Variants in FTCDNL1 observed in about 807,000 individuals in gnomAD.
FTCDNL1 encodes the protein formiminotransferase N-terminal subdomain-containing protein.
In FTCDNL1, 11 loss-of-function variants were observed where a neutral mutation model predicts 5.9. The ratio of observed to expected loss-of-function variants is 1.87; its 90% CI spans 1.18 to 3.10. The LOEUF is 3.10. Ranked by LOEUF, FTCDNL1 falls within the 30% of genes most tolerant of loss-of-function variation. The pLI, the probability that FTCDNL1 is intolerant of heterozygous loss-of-function variation, is 0.00. For synonymous variants in FTCDNL1, 58 were observed against 24.8 expected (o/e 2.34, Z -3.99); for missense variants, 115 against 65.5 (o/e 1.76, Z -2.61).
chr2:199,700,491 A>G, the FTCDNL1 span, among the ~76,000 whole-genome samples: 2 of 152,220 alleles, frequency 1.3e-5, no homozygotes, highest in African/African-American at 4.8e-5. Context: ...CAATTTACAG[A>G]TTCAATGCTA....
chr2:199,764,839 GC>G (rs894076731), intron 3 of FTCDNL1, among the ~76,000 whole-genome samples: 1 of 152,144 alleles, frequency 6.6e-6, no homozygotes, highest in Non-Finnish European at 1.5e-5. Flanking sequence ...TGTGTCATGT[GC>G]CCCAGCTCTC....
intron 3 of FTCDNL1, among the ~76,000 whole-genome samples, chr2:199,780,988 C>G (rs959245189): frequency 6.6e-6 from 1 of 152,192 alleles, no homozygotes. Context: ...AGCACACAAT[C>G]TCTGCCACAA....
intron 3 of FTCDNL1, among the ~76,000 whole-genome samples, chr2:199,780,624 G>A (rs1446585040): frequency 6.6e-6 from 1 of 152,100 alleles, no homozygotes. Flanking sequence ...TTGTCCCTAG[G>A]TAGCACTTCC....
intron 3 of FTCDNL1, among the ~76,000 whole-genome samples, chr2:199,837,761 G>A (rs891942445): frequency 2.0e-5 from 3 of 152,006 alleles, no homozygotes; most frequent in Admixed American, 6.5e-5. Context: ...TATCAATCAT[G>A]CCAGCACTAT....
At chr2:199,701,856 G>C in the FTCDNL1 span, among the ~76,000 whole-genome samples, 1 of 152,050 alleles carries the variant, frequency 6.6e-6, no homozygotes, top group Non-Finnish European at 1.5e-5. Context: ...CCAACATGGC[G>C]AAACCCCGTC....
intron 3 of FTCDNL1, among the ~76,000 whole-genome samples, chr2:199,841,758 G>A (rs541657047): frequency 6.6e-6 from 1 of 152,198 alleles, no homozygotes; most frequent in South Asian, 2.1e-4. Context: ...ACCAGCAACA[G>A]CCCATGGAAT....
the FTCDNL1 span, among the ~76,000 whole-genome samples, chr2:199,732,091 G>A: frequency 9.2e-3 from 1,407 of 152,282 alleles, 9 homozygotes; most frequent in Non-Finnish European, 0.015. Context: ...TCCTGCTTCT[G>A]TCTCTGTAGA....
chr2:199,821,528 G>A (rs1018638334), intron 3 of FTCDNL1, among the ~76,000 whole-genome samples: 9 of 151,732 alleles, frequency 5.9e-5, no homozygotes, highest in African/African-American at 2.2e-4. Context: ...GCAGTGGCAT[G>A]ATCTTGGCTC....
intron 2 of FTCDNL1, among the ~76,000 whole-genome samples, chr2:199,847,952 T>A (rs1053869122): frequency 2.0e-5 from 3 of 152,226 alleles, no homozygotes; most frequent in African/African-American, 7.2e-5. Flanking sequence ...GTGCTCACAG[T>A]TAAGATGGGT....
the FTCDNL1 span, among the ~76,000 whole-genome samples, chr2:199,732,390 A>C: frequency 6.6e-6 from 1 of 152,228 alleles, no homozygotes; most frequent in Non-Finnish European, 1.5e-5. Flanking sequence ...AGTATTTATC[A>C]AGCATTCATA....
the FTCDNL1 span, among the ~76,000 whole-genome samples, chr2:199,692,701 C>T: frequency 5.2e-4 from 79 of 152,290 alleles, 1 homozygote; most frequent in Non-Finnish European, 5.9e-5. Context: ...CCAAAAACTC[C>T]AGTCCTTGAA....
chr2:199,716,032 TTAAAAAAAAAAAA>T, the FTCDNL1 span, among the ~76,000 whole-genome samples: 1 of 74,960 alleles, frequency 1.3e-5, no homozygotes. Flanking sequence ...CTGCCTCTAG[TTAAAAAAAAAAAA>T]AAAAAAAAAA....
intron 4 of FTCDNL1, among the ~76,000 whole-genome samples, chr2:199,813,995 G>A (rs985326692): frequency 6.6e-6 from 1 of 150,920 alleles, no homozygotes; most frequent in Non-Finnish European, 1.5e-5. Flanking sequence ...AGGTTGCTGA[G>A]TATAAAAACA....
the FTCDNL1 span, among the ~76,000 whole-genome samples, chr2:199,674,366 T>G: frequency 6.6e-6 from 1 of 152,128 alleles, no homozygotes; most frequent in Non-Finnish European, 1.5e-5. Flanking sequence ...CTGAGATCAG[T>G]GCTGCAGAAA....
intron 3 of FTCDNL1, among the ~76,000 whole-genome samples, chr2:199,843,225 T>A (rs1169888700): frequency 6.6e-6 from 1 of 152,144 alleles, no homozygotes; most frequent in Non-Finnish European, 1.5e-5. Context: ...AAGGGAGAAA[T>A]CCTGTGTCCA....
intron 3 of FTCDNL1, among the ~76,000 whole-genome samples, chr2:199,833,361 G>A (rs1702504350): frequency 6.6e-6 from 1 of 151,738 alleles, no homozygotes; most frequent in African/African-American, 2.4e-5. Flanking sequence ...GCTGATCAGA[G>A]ACTGACAGGC....
chr2:199,777,786 G>A lies in FTCDNL1; in HGVS notation c.212-16951C>T, dbSNP rs145061250. ...TTTTTGGCTGACAAGGGGGTGGAAC[G>A]TTCCCACTCAGGGCAGAGGTTCATG... On this transcript the variant is annotated intron_variant, in intron 3 of 3. Coordinates refer to the FTCDNL1 transcript ENST00000416668. Among the ~76,000 whole-genome samples the A allele has an allele frequency of 2.6e-3, 393 of 152,118 alleles. 6 individuals carry two copies. Among genetic ancestry groups the A allele is most frequent in the African/African-American group, 8.8e-3 (367 of 41,492 alleles).
chr2:199,816,673 C>T (rs1411435547), intron 4 of FTCDNL1, among the ~76,000 whole-genome samples: 4 of 152,190 alleles, frequency 2.6e-5, no homozygotes, highest in Admixed American at 6.5e-5. Flanking sequence ...CTCCACATCT[C>T]CACGTGGCTA....
the FTCDNL1 span, among the ~76,000 whole-genome samples, chr2:199,752,740 C>CTGTGTGTGTG: frequency 1.4e-3 from 43 of 30,698 alleles, 1 homozygote; most frequent in African/African-American, 1.7e-3. Context: ...CTCTCTCTCT[C>CTGTGTGTGTG]TGTGTGTGTG....
Sources: gnomAD v4.1 joint callset for allele counts (sites outside exome capture counted in the v4.1 genomes callset) on GRCh38, gnomAD v4.1.1 for gene constraint, MANE v1.5 for transcripts, NCBI Gene and HGNC (gene_info 2026-07-23, HGNC 2026-07-21) for gene names.